TESK2: variants seen among roughly 807,000 people sequenced by gnomAD.
The protein encoded by TESK2 is testis associated actin remodelling kinase 2.
TESK2 carries 39 observed loss-of-function variants against 57.1 expected under a neutral mutation model. The ratio of observed to expected loss-of-function variants is 0.68; its 90% CI spans 0.53 to 0.89. The LOEUF is 0.89. Ranked by LOEUF, TESK2 falls within the 40% of genes least tolerant of loss-of-function variation. The pLI, the probability that TESK2 is intolerant of heterozygous loss-of-function variation, is 0.00. For missense variants in TESK2, 646 were observed against 732.1 expected (o/e 0.88, Z 1.36); for synonymous variants, 249 against 267.9 (o/e 0.93, Z 0.69).
intron 7 of TESK2, among the ~76,000 whole-genome samples, chr1:45,347,362 C>T (rs9429073): frequency 0.36 from 55,376 of 151,852 alleles, 12,006 homozygotes; most frequent in African/African-American, 0.59. Context: ...GGTCAGGAGT[C>T]TGAGACCAGC....
At chr1:45,464,916 C>T (rs989735349) in intron 1 of TESK2, among the ~76,000 whole-genome samples, 3 of 152,116 alleles carry the variant, frequency 2.0e-5, no homozygotes, top group Admixed American at 6.6e-5. Flanking sequence ...GTCTGGTCAA[C>T]ATGGCAAAAC....
At chr1:45,364,103 G>C (rs941165309) in intron 4 of TESK2, among the ~76,000 whole-genome samples, 7 of 152,082 alleles carry the variant, frequency 4.6e-5, no homozygotes, top group Non-Finnish European at 7.4e-5. Flanking sequence ...AGACCACAGG[G>C]GCCACTGAAG....
chr1:45,460,815 G>C (rs1652303971), intron 1 of TESK2, among the ~76,000 whole-genome samples: 1 of 152,120 alleles, frequency 6.6e-6, no homozygotes, highest in Non-Finnish European at 1.5e-5. Flanking sequence ...AGAGCCAGTA[G>C]AAAACATCAA....
At chr1:45,443,431 C>T (rs1570736293) in intron 2 of TESK2, among the ~76,000 whole-genome samples, 1 of 103,294 alleles carries the variant, frequency 9.7e-6, no homozygotes, top group Non-Finnish European at 2.0e-5. Context: ...ATTAGCCGAA[C>T]ATGTGGTGCA....
rs1178366239 is a variant in TESK2, at chr1:45,490,939, C to T, written c.-174G>A. ...AGAGGGAGCATAGTAACCCTCACAG[C>T]TCGTTGGTGGCAGCGGCTCCTTAGC... On this transcript the variant is annotated 5_prime_UTR_variant, in exon 1 of 11. Transcript: ENST00000372086. The T allele has an allele frequency of 6.6e-6, 1 of 152,428 alleles. No homozygotes were observed. Among genetic ancestry groups the T allele is most frequent in the Non-Finnish European group, 1.5e-5 (1 of 68,202 alleles). The allele number at this position is 152,428 out of a possible 1,614,324, so 9.4% of individuals were successfully genotyped here.
At chr1:45,483,466 C>T (rs990624031) in intron 1 of TESK2, among the ~76,000 whole-genome samples, 2 of 151,798 alleles carry the variant, frequency 1.3e-5, no homozygotes, top group Non-Finnish European at 2.9e-5. Context: ...GGCATGGTGG[C>T]GCACACCTGT....
chr1:45,393,555 A>G (rs953497428), intron 3 of TESK2, among the ~76,000 whole-genome samples: 1 of 152,204 alleles, frequency 6.6e-6, no homozygotes, highest in Non-Finnish European at 1.5e-5. Context: ...ATCCTGGCCA[A>G]CATGGTGAAA....
chr1:45,399,461 T>G (rs1458215694), intron 3 of TESK2, among the ~76,000 whole-genome samples: 1 of 151,994 alleles, frequency 6.6e-6, no homozygotes, highest in East Asian at 1.9e-4. Context: ...ATTATAGGCA[T>G]GCGCCACCAC....
At chr1:45,384,377 A>ATCTATCTGTCTGTCTG (rs199815408) in intron 4 of TESK2, among the ~76,000 whole-genome samples, 1 of 138,918 alleles carries the variant, frequency 7.2e-6, no homozygotes, top group African/African-American at 2.8e-5. Flanking sequence ...CTATCTATCT[A>ATCTATCTGTCTGTCTG]TCTATCTATC....
At chr1:45,432,098 C>T (rs1459724013) in intron 2 of TESK2, among the ~76,000 whole-genome samples, 2 of 151,658 alleles carry the variant, frequency 1.3e-5, no homozygotes, top group Admixed American at 6.6e-5. Context: ...ATACAAAAAA[C>T]GTTACCCAGG....
chr1:45,434,959 C>CTTTTTTTTTTTTTTTTTTTT (rs60515365), intron 2 of TESK2, among the ~76,000 whole-genome samples: 1 of 140,458 alleles, frequency 7.1e-6, no homozygotes. Flanking sequence ...ACTTTTCTTT[C>CTTTTTTTTTTTTTTTTTTTT]TTTTTTTTTT....
At chr1:45,435,506 C>T (rs577972767) in intron 2 of TESK2, among the ~76,000 whole-genome samples, 30 of 150,112 alleles carry the variant, frequency 2.0e-4, no homozygotes, top group Middle Eastern at 3.5e-3. Flanking sequence ...TCATGTGATC[C>T]TCCTGCCTTA....
At chr1:45,348,825 A>G (rs995888632) in intron 5 of TESK2, among the ~76,000 whole-genome samples, 5 of 152,132 alleles carry the variant, frequency 3.3e-5, no homozygotes, top group African/African-American at 9.7e-5. Context: ...CAGAAAAGCT[A>G]TGAACCCCTC....
intron 2 of TESK2, among the ~76,000 whole-genome samples, chr1:45,436,160 G>GA (rs1651199414): frequency 8.0e-6 from 1 of 124,470 alleles, no homozygotes; most frequent in African/African-American, 2.9e-5. Flanking sequence ...CTATTTCTGT[G>GA]AAAAATGACA....
At chr1:45,457,922 GT>G (rs1652174180) in intron 1 of TESK2, 51 bp from the exon 2 acceptor site, 2 of 662,014 alleles carry the variant, frequency 3.0e-6, no homozygotes, top group African/African-American at 3.6e-5. Context: ...ATAAATACAT[GT>G]AAAGCAATAA....
chr1:45,470,674 G>C (rs1300383240), intron 1 of TESK2, among the ~76,000 whole-genome samples: 1 of 152,220 alleles, frequency 6.6e-6, no homozygotes, highest in Non-Finnish European at 1.5e-5. Context: ...AAGGCAGTTA[G>C]AGATGAACTA....
intron 4 of TESK2, among the ~76,000 whole-genome samples, chr1:45,360,222 G>T (rs2149266841): frequency 6.6e-6 from 1 of 152,286 alleles, no homozygotes; most frequent in East Asian, 1.9e-4. Flanking sequence ...TTGCTGAAAA[G>T]AAACTGAGCT....
intron 2 of TESK2, among the ~76,000 whole-genome samples, chr1:45,432,460 G>A (rs968744710): frequency 2.0e-5 from 3 of 151,724 alleles, no homozygotes; most frequent in African/African-American, 7.3e-5. Flanking sequence ...TGGAGGCCGA[G>A]GCGGGCAGAT....
intron 4 of TESK2, among the ~76,000 whole-genome samples, chr1:45,363,658 G>A (rs996644506): frequency 6.6e-6 from 1 of 151,972 alleles, no homozygotes; most frequent in Non-Finnish European, 1.5e-5. Flanking sequence ...CAGGGTTGGG[G>A]ATAAGAAAGA....
Sources: allele counts gnomAD v4.1 joint callset (sites outside exome capture counted in the v4.1 genomes callset), GRCh38; gene constraint gnomAD v4.1.1; transcripts MANE v1.5; gene names NCBI Gene and HGNC (gene_info 2026-07-23, HGNC 2026-07-21).